Variants in ZC4H2 observed in about 807,000 individuals in gnomAD.
The protein encoded by ZC4H2 is zinc finger C4H2-type containing, also known as zinc finger C4H2 domain-containing protein.
For synonymous variants in ZC4H2, 84 were observed against 66.3 expected, an observed-to-expected ratio of 1.27 and a Z score of -1.30; for missense variants, 137 against 173.9, an observed-to-expected ratio of 0.79 and a Z score of 1.19.
At chrX:64,997,146 CA>C (rs1348552463) in intron 1 of ZC4H2, among the ~76,000 whole-genome samples, 5 of 112,159 alleles carry the variant, frequency 4.5e-5, no homozygotes, top group African/African-American at 1.3e-4. Flanking sequence ...ATAAAATTAA[CA>C]GCTGATTCTC....
chrX:64,977,424 A>T (rs1931983474), upstream of ZC4H2, among the ~76,000 whole-genome samples: 1 of 112,208 alleles, frequency 8.9e-6, no homozygotes. Context: ...CAGACTATGA[A>T]ATACGTTAAA....
chrX:64,984,065 A>G (rs1275893425), intron 1 of ZC4H2, among the ~76,000 whole-genome samples: 1 of 111,649 alleles, frequency 9.0e-6, no homozygotes, highest in Non-Finnish European at 1.9e-5. Context: ...CCCAGCAGGC[A>G]GTTTTTCAAC....
intron 1 of ZC4H2, among the ~76,000 whole-genome samples, chrX:64,932,888 G>C: frequency 9.0e-6 from 1 of 111,383 alleles, no homozygotes; most frequent in Middle Eastern, 4.6e-3. Context: ...GACTTCTTCA[G>C]TTTGGATGTC....
intron 1 of ZC4H2, among the ~76,000 whole-genome samples, chrX:64,998,813 A>AT (rs1185331268): frequency 1.8e-5 from 2 of 110,106 alleles, no homozygotes; most frequent in Non-Finnish European, 3.8e-5. Context: ...AAATTTTATA[A>AT]TTTTATATTG....
Position 64,920,108 on chromosome X carries a change from C to A in ZC4H2, c.371G>T (p.Cys124Phe). The A allele has an allele frequency of 8.3e-7, 1 of 1,210,885 alleles. No homozygotes were observed. The highest frequency in any genetic ancestry group is 1.1e-6 in the Non-Finnish European group (1 of 895,171). ...CAAGGAAAGCTTCTCCTCTTCTTCA[C>A]ACAAGTCAGGGAGCCTCTGCAGGCC... is the stretch of plus-strand genomic sequence containing the variant. The part of the protein sequence containing the change: ...TLGLQRLPDL[C>F]EEEEKLSLDY... Residue 124 changes from cysteine to phenylalanine, a missense_variant, in exon 3 of 5, where the codon TGT becomes TTT. Physicochemically the swap from Cys to Phe is radical, Grantham distance 205 (BLOSUM62 -2). Coordinates refer to ENST00000374839, the MANE Select transcript of ZC4H2 (RefSeq NM_018684.4).
At chrX:64,956,608 C>T (rs1931165549) in intron 1 of ZC4H2, among the ~76,000 whole-genome samples, 1 of 111,549 alleles carries the variant, frequency 9.0e-6, no homozygotes, top group South Asian at 3.8e-4. Flanking sequence ...AAGTAAGAAC[C>T]TGACCCGAAA....
intron 1 of ZC4H2, among the ~76,000 whole-genome samples, chrX:64,926,560 T>A (rs1929429383): frequency 8.9e-6 from 1 of 112,253 alleles, no homozygotes; most frequent in South Asian, 3.7e-4. Context: ...ATTTTAACTA[T>A]CATAATAAAT....
intron 1 of ZC4H2, among the ~76,000 whole-genome samples, chrX:64,954,890 A>C (rs1269354098): frequency 9.0e-6 from 1 of 111,588 alleles, no homozygotes; most frequent in Non-Finnish European, 1.9e-5. Flanking sequence ...GTCTAAGTCA[A>C]ATTACCTATG....
At chrX:64,945,865 C>T (rs993227816) in intron 1 of ZC4H2, among the ~76,000 whole-genome samples, 1 of 111,150 alleles carries the variant, frequency 9.0e-6, no homozygotes, top group African/African-American at 3.3e-5. Flanking sequence ...TTCCTGGTGG[C>T]TTTGTTTACA....
At chrX:65,026,501 A>C (rs1932880133) in intron 1 of ZC4H2, among the ~76,000 whole-genome samples, 1 of 110,973 alleles carries the variant, frequency 9.0e-6, no homozygotes, top group Non-Finnish European at 1.9e-5. Flanking sequence ...ACGAGGCAGG[A>C]GATCGAGACC....
intron 1 of ZC4H2, among the ~76,000 whole-genome samples, chrX:65,021,126 A>C (rs763537600): frequency 3.6e-5 from 4 of 110,799 alleles, no homozygotes; most frequent in Non-Finnish European, 7.5e-5. Flanking sequence ...ATGAGACAGA[A>C]AATTAACAAG....
chrX:64,951,044 A>T (rs1336365807), intron 1 of ZC4H2, among the ~76,000 whole-genome samples: 1 of 110,849 alleles, frequency 9.0e-6, no homozygotes, highest in Non-Finnish European at 1.9e-5. Context: ...CCTATGAGTG[A>T]GAACATGCGG....
chrX:64,955,152 A>T (rs1931104290), intron 1 of ZC4H2, among the ~76,000 whole-genome samples: 1 of 111,967 alleles, frequency 8.9e-6, no homozygotes, highest in African/African-American at 3.2e-5. Context: ...GTTTATGAAC[A>T]ATATTTGGTT....
At chrX:64,960,696 C>A (rs1304573740) in intron 1 of ZC4H2, among the ~76,000 whole-genome samples, 1 of 112,018 alleles carries the variant, frequency 8.9e-6, no homozygotes, top group Admixed American at 9.5e-5. Context: ...TTCTGGCATC[C>A]ATTCACACTT....
At chrX:64,953,205 A>T (rs1300440085) in intron 1 of ZC4H2, among the ~76,000 whole-genome samples, 1 of 112,330 alleles carries the variant, frequency 8.9e-6, no homozygotes, top group Non-Finnish European at 1.9e-5. Context: ...TTAGACCTAA[A>T]ACCATAAAAA....
chrX:64,979,686 T>G (rs763165454), upstream of ZC4H2, among the ~76,000 whole-genome samples: 159 of 112,096 alleles, frequency 1.4e-3, 1 homozygote, highest in African/African-American at 5.0e-3. Context: ...TTTTCCATAG[T>G]AAGTGTTCAG....
rs138777496 is a variant in ZC4H2 at position 64,933,338 on chromosome X, G to A, written c.54-11350C>T. On this transcript the variant is annotated intron_variant, in intron 1 of 4. Coordinates refer to ENST00000374839, the MANE Select transcript of ZC4H2 (RefSeq NM_018684.4). Reference sequence around the variant, plus strand: ...TGAGTAGCTTACTAATCAACCTTATGAATTCTTTATCTGGCACTTCAGAGA... The same window carrying A: ...TGAGTAGCTTACTAATCAACCTTATAAATTCTTTATCTGGCACTTCAGAGA... Among the ~76,000 whole-genome samples the A allele has an allele frequency of 4.9e-4, 54 of 111,257 alleles. No homozygotes were observed. In the East Asian group the frequency reaches 0.015, roughly 31 times the overall value.
At chrX:65,013,647 C>A (rs928375187) in intron 1 of ZC4H2, among the ~76,000 whole-genome samples, 4 of 111,168 alleles carry the variant, frequency 3.6e-5, no homozygotes, top group African/African-American at 1.3e-4. Flanking sequence ...CTGAATCCTG[C>A]CAACGACCAT....
intron 1 of ZC4H2, among the ~76,000 whole-genome samples, chrX:65,026,695 C>G (rs181010535): frequency 1.1e-3 from 113 of 107,542 alleles, no homozygotes; most frequent in African/African-American, 3.8e-3. Context: ...GGCAACAGAG[C>G]GAGACTCCGT....
Sources: allele counts gnomAD v4.1 joint callset (sites outside exome capture counted in the v4.1 genomes callset), GRCh38; gene constraint gnomAD v4.1.1; transcripts MANE v1.5; gene names NCBI Gene and HGNC (gene_info 2026-07-23, HGNC 2026-07-21).